Variants in SYTL5 observed in about 807,000 individuals in gnomAD.
SYTL5 encodes synaptotagmin-like protein 5.
Under a neutral mutation model 55.9 loss-of-function variants are expected in SYTL5, and 34 were observed. The observed-to-expected ratio is 0.61, with a 90% CI of 0.46 to 0.81. The LOEUF is 0.81. Among genes scored for constraint, SYTL5 ranks in the 30% least tolerant of loss-of-function variants. The pLI, the probability that SYTL5 is intolerant of heterozygous loss-of-function variation, is 0.00. For missense variants in SYTL5, 637 were observed against 546.7 expected (o/e 1.17, Z -1.65); for synonymous variants, 221 against 188.7 (o/e 1.17, Z -1.40).
At chrX:37,941,979 T>C in the SYTL5 span, among the ~76,000 whole-genome samples, 3 of 112,241 alleles carry the variant, frequency 2.7e-5, no homozygotes, top group African/African-American at 9.7e-5. Flanking sequence ...GCTGTCAGGG[T>C]TAACCGTTTT....
At chrX:38,104,855 T>C (rs1341070553) in intron 10 of SYTL5, among the ~76,000 whole-genome samples, 2 of 111,828 alleles carry the variant, frequency 1.8e-5, no homozygotes, top group Non-Finnish European at 3.8e-5. Context: ...TTTACAGTAG[T>C]CACCTTTATC....
the SYTL5 span, among the ~76,000 whole-genome samples, chrX:37,949,732 T>C: frequency 8.9e-6 from 1 of 112,272 alleles, no homozygotes; most frequent in Non-Finnish European, 1.9e-5. Context: ...AAAGGAAATG[T>C]AGAGTACATG....
intron 3 of SYTL5, among the ~76,000 whole-genome samples, chrX:38,060,179 T>G (rs111740203): frequency 8.9e-6 from 1 of 111,787 alleles, no homozygotes; most frequent in East Asian, 2.8e-4. Context: ...TATTCACACA[T>G]TTTGCCATCA....
At chrX:38,085,998 T>G (rs748379570) in intron 6 of SYTL5, among the ~76,000 whole-genome samples, 2 of 111,715 alleles carry the variant, frequency 1.8e-5, no homozygotes, top group African/African-American at 6.5e-5. Flanking sequence ...ACATACAATT[T>G]TATTAGCATC....
intron 4 of SYTL5, among the ~76,000 whole-genome samples, chrX:38,072,409 T>A (rs1298635932): frequency 8.9e-6 from 1 of 112,484 alleles, no homozygotes; most frequent in Admixed American, 9.4e-5. Flanking sequence ...AAACCATTTG[T>A]CTCCATCATA....
At chrX:38,045,279 C>T (rs768894075) in intron 2 of SYTL5, among the ~76,000 whole-genome samples, 1 of 111,767 alleles carries the variant, frequency 8.9e-6, no homozygotes, top group Non-Finnish European at 1.9e-5. Context: ...AGTCATTGTC[C>T]CTTTGCATAT....
chrX:37,995,334 G>C, the SYTL5 span, among the ~76,000 whole-genome samples: 1 of 111,992 alleles, frequency 8.9e-6, no homozygotes, highest in Non-Finnish European at 1.9e-5. Context: ...GGGCTGGCAT[G>C]AACTTCATGG....
chrX:38,011,177 T>A (rs1934167955), intron 1 of SYTL5, among the ~76,000 whole-genome samples: 1 of 112,373 alleles, frequency 8.9e-6, no homozygotes, highest in Non-Finnish European at 1.9e-5. Flanking sequence ...TGTTTGATAT[T>A]TTTCATAATT....
At chrX:38,019,886 C>T (rs778021850) in intron 1 of SYTL5, among the ~76,000 whole-genome samples, 58 of 111,468 alleles carry the variant, frequency 5.2e-4, no homozygotes, top group African/African-American at 1.8e-3. Context: ...CCGCCCGCTT[C>T]GGCCTCCCAA....
intron 2 of SYTL5, among the ~76,000 whole-genome samples, chrX:38,035,672 G>A (rs886423225): frequency 1.8e-5 from 2 of 109,777 alleles, no homozygotes; most frequent in African/African-American, 3.3e-5. Flanking sequence ...AGAGGTGGGC[G>A]GATCAGGAGG....
At chrX:38,044,827 A>G (rs758924316) in intron 2 of SYTL5, among the ~76,000 whole-genome samples, 1 of 111,821 alleles carries the variant, frequency 8.9e-6, no homozygotes, top group Non-Finnish European at 1.9e-5. Context: ...TTGTTTCTTA[A>G]TGGGCCAGGA....
At chrX:37,928,685 G>A in the SYTL5 span, among the ~76,000 whole-genome samples, 1 of 111,912 alleles carries the variant, frequency 8.9e-6, no homozygotes, top group African/African-American at 3.2e-5. Flanking sequence ...TAATCAACTG[G>A]ACAAACCCTC....
the SYTL5 span, among the ~76,000 whole-genome samples, chrX:37,966,436 CTTTTTTT>C: frequency 4.1e-4 from 32 of 78,141 alleles, no homozygotes; most frequent in East Asian, 2.1e-3. Context: ...TTTTCTTTTT[CTTTTTTT>C]TTTTTTTTTT....
the SYTL5 span, among the ~76,000 whole-genome samples, chrX:37,973,885 C>T: frequency 1.8e-5 from 2 of 111,097 alleles, no homozygotes; most frequent in African/African-American, 6.6e-5. Context: ...TCAGGTGATC[C>T]ACCCAATTGT....
At chrX:37,907,706 C>T in the SYTL5 span, among the ~76,000 whole-genome samples, 1 of 111,299 alleles carries the variant, frequency 9.0e-6, no homozygotes, top group Non-Finnish European at 1.9e-5. Flanking sequence ...TTTGGCAGTC[C>T]AGATTAGGTT....
At chrX:38,125,242 G>A (rs1286321820) in intron 15 of SYTL5, 56 bp from the exon 16 acceptor site, 61 of 1,054,877 alleles carry the variant, frequency 5.8e-5, no homozygotes, top group Non-Finnish European at 6.7e-5. Context: ...TTGTGTACAC[G>A]CTGACATTTT....
At chrX:37,918,335 G>T in the SYTL5 span, among the ~76,000 whole-genome samples, 2 of 111,851 alleles carry the variant, frequency 1.8e-5, no homozygotes. Context: ...AAGCTAGCCT[G>T]CTGGAGGATG....
At chrX:38,014,524 G>A (rs1934287323) in intron 1 of SYTL5, among the ~76,000 whole-genome samples, 1 of 112,074 alleles carries the variant, frequency 8.9e-6, no homozygotes. Context: ...TTATGGATGT[G>A]CCAGTGATAC....
At chrX:37,994,129 T>G in the SYTL5 span, among the ~76,000 whole-genome samples, 2 of 112,079 alleles carry the variant, frequency 1.8e-5, no homozygotes, top group African/African-American at 6.5e-5. Context: ...GTGATCAGGT[T>G]CCTCTCATGG....
Sources: gnomAD v4.1 joint callset for allele counts (sites outside exome capture counted in the v4.1 genomes callset) on GRCh38, gnomAD v4.1.1 for gene constraint, MANE v1.5 for transcripts, NCBI Gene and HGNC (gene_info 2026-07-23, HGNC 2026-07-21) for gene names.